CADPS2: variants seen among roughly 807,000 people sequenced by gnomAD.
CADPS2 encodes calcium-dependent secretion activator 2.
Under a neutral mutation model 172.5 loss-of-function variants are expected in CADPS2, and 93 were observed. That is an observed-to-expected ratio of 0.54 (90% CI 0.46 to 0.64). The LOEUF (loss-of-function observed/expected upper bound fraction) is 0.64. Among genes scored for constraint, CADPS2 ranks in the 30% least tolerant of loss-of-function variants. CADPS2 has a pLI of 0.00. For synonymous variants in CADPS2, 546 were observed against 555.2 expected (o/e 0.98, Z 0.23); for missense variants, 1,420 against 1,565.9 (o/e 0.91, Z 1.57).
At chr7:122,505,175 C>G (rs970504288) in intron 9 of CADPS2, among the ~76,000 whole-genome samples, 3 of 152,040 alleles carry the variant, frequency 2.0e-5, no homozygotes, top group African/African-American at 7.2e-5. Context: ...GTAACCCACC[C>G]AAAATGCCAA....
chr7:122,674,916 G>C (rs2082241822), intron 2 of CADPS2, among the ~76,000 whole-genome samples: 1 of 152,122 alleles, frequency 6.6e-6, no homozygotes, highest in South Asian at 2.1e-4. Context: ...CAGCAACATA[G>C]ATTTTAAAAC....
At chr7:122,460,869 G>A (rs1037645874) in intron 14 of CADPS2, among the ~76,000 whole-genome samples, 2 of 152,190 alleles carry the variant, frequency 1.3e-5, no homozygotes, top group African/African-American at 2.4e-5. Context: ...GAGTGAAACA[G>A]TAGATGTCAG....
intron 1 of CADPS2, among the ~76,000 whole-genome samples, chr7:122,799,011 T>C (rs1796986558): frequency 6.6e-6 from 1 of 152,070 alleles, no homozygotes. Flanking sequence ...GCCTCCCATT[T>C]AGAGAAATGG....
At chr7:122,473,247 T>C (rs1426140665) in intron 13 of CADPS2, among the ~76,000 whole-genome samples, 11 of 152,200 alleles carry the variant, frequency 7.2e-5, no homozygotes, top group Non-Finnish European at 2.9e-5. Flanking sequence ...TGCTGAACTG[T>C]AATCAATCTG....
At position 122,757,672 on chromosome 7, in the gene CADPS2, G is replaced by A. The variant is rs796622196; in HGVS notation, c.340-20604C>T. ...ACTCTAGTAACACTTACGTTTGGAC[G>A]TTCAATCCCTAGCTGAGTTTTTTAA... On this transcript the variant is annotated intron_variant, in intron 1 of 29. Coordinates refer to ENST00000449022, the MANE Select transcript of CADPS2 (RefSeq NM_017954.11). Among the ~76,000 whole-genome samples, 12 of 146,358 alleles carry A rather than the reference G, an allele frequency of 8.2e-5. No individual in the cohort carries two copies. The South Asian group carries it at 1.3e-3, about 16-fold the overall frequency.
chr7:122,486,019 G>A (rs745900856), intron 11 of CADPS2, among the ~76,000 whole-genome samples: 1 of 152,096 alleles, frequency 6.6e-6, no homozygotes, highest in Non-Finnish European at 1.5e-5. Flanking sequence ...GAGGCCTGAT[G>A]CTAGAACAAA....
Position 122,388,669 on chromosome 7 carries a change from C to T in CADPS2, c.3078G>A (p.Leu1026=). The change falls in exon 23 of 30, where the codon CTG becomes CTA. Residue 1026 remains leucine, a synonymous_variant. Coordinates refer to ENST00000449022, the MANE Select transcript of CADPS2 (RefSeq NM_017954.11). ...LDALQMFVFD[L]HWPEQEFAHH... ...GGGCAAATTCCTGTTCTGGCCAGTG[C>T]AGATCAAAGACAAACATTTGCAGTG... 6.2e-7 allele frequency: 1 copy of T among 1,610,770 alleles called. No homozygotes were observed. The highest frequency in any genetic ancestry group is 8.5e-7 in the Non-Finnish European group (1 of 1,178,088).
intron 1 of CADPS2, among the ~76,000 whole-genome samples, chr7:122,852,300 C>T (rs1813877107): frequency 6.6e-6 from 1 of 152,172 alleles, no homozygotes; most frequent in Admixed American, 6.5e-5. Context: ...CATTCAACTA[C>T]AACATGTGCT....
intron 6 of CADPS2, among the ~76,000 whole-genome samples, chr7:122,612,523 T>C (rs976196150): frequency 4.6e-5 from 7 of 151,976 alleles, no homozygotes; most frequent in African/African-American, 1.2e-4. Context: ...CAAGACATTG[T>C]TGAAAGGGAA....
chr7:122,746,167 C>T (rs1164915597), intron 1 of CADPS2, among the ~76,000 whole-genome samples: 6 of 151,996 alleles, frequency 3.9e-5, no homozygotes, highest in Non-Finnish European at 8.8e-5. Context: ...TTTATTTCAG[C>T]AATTGCAGAA....
chr7:122,748,844 C>T (rs2092829097), intron 1 of CADPS2, among the ~76,000 whole-genome samples: 1 of 151,976 alleles, frequency 6.6e-6, no homozygotes, highest in Non-Finnish European at 1.5e-5. Flanking sequence ...GTAATAGAAT[C>T]CTCAACTCAA....
At position 122,324,034 on chromosome 7, in the gene CADPS2, C is replaced by T. The variant is rs189093084; in HGVS notation, c.3717+1443G>A. ...ATGGAGAACTAAGCCAATTATGAAC[C>T]TATCATATTGTCCTTTCAGTTTCTT... On this transcript the variant is annotated intron_variant, in intron 29 of 29. Coordinates refer to ENST00000449022, the MANE Select transcript of CADPS2 (RefSeq NM_017954.11). Among the ~76,000 whole-genome samples the T allele has an allele frequency of 3.0e-3, 455 of 151,512 alleles. 2 individuals carry two copies. Among genetic ancestry groups the T allele is most frequent in the African/African-American group, 0.01 (432 of 41,294 alleles).
At chr7:122,822,101 T>C (rs1803475670) in intron 1 of CADPS2, among the ~76,000 whole-genome samples, 1 of 151,770 alleles carries the variant, frequency 6.6e-6, no homozygotes, top group Non-Finnish European at 1.5e-5. Flanking sequence ...TCACAGCTGA[T>C]ATCTCCTGGT....
Position 122,340,023 on chromosome 7 carries a change from C to T in CADPS2, c.3612+5551G>A, listed in dbSNP as rs568129755. On this transcript the variant is annotated intron_variant, in intron 28 of 29. Coordinates refer to ENST00000449022, the MANE Select transcript of CADPS2 (RefSeq NM_017954.11). ...AATATTTTCATTATTTTCTTTTTAT[C>T]TTACATTAATAGTCTACTGAATCCA... Among the ~76,000 whole-genome samples, 6 of 152,216 alleles carry T rather than the reference C, an allele frequency of 3.9e-5. No individual in the cohort carries two copies. In the East Asian group the frequency reaches 1.2e-3, roughly 29 times the overall value.
chr7:122,749,038 C>T (rs192752341), intron 1 of CADPS2, among the ~76,000 whole-genome samples: 169 of 152,204 alleles, frequency 1.1e-3, no homozygotes, highest in Non-Finnish European at 1.9e-3. Flanking sequence ...TTTACTGCCT[C>T]CAAAGAAATC....
At chr7:122,777,494 C>A (rs534608689) in intron 1 of CADPS2, among the ~76,000 whole-genome samples, 4 of 152,112 alleles carry the variant, frequency 2.6e-5, no homozygotes, top group Non-Finnish European at 4.4e-5. Context: ...ATCTCTTAAA[C>A]GGGCTACAAG....
intron 1 of CADPS2, among the ~76,000 whole-genome samples, chr7:122,879,842 C>A (rs115750655): frequency 3.8e-4 from 58 of 152,210 alleles, no homozygotes; most frequent in African/African-American, 1.4e-3. Context: ...AAAAGGCTCC[C>A]AAATGCAAAC....
chr7:122,729,445 C>G lies in CADPS2; in HGVS notation c.453+7510G>C, dbSNP rs2137439686. 2.0e-5 allele frequency among the ~76,000 whole-genome samples: 3 copies of G among 151,790 alleles called. No individual in the cohort carries two copies. The Middle Eastern group carries it at 0.01, about 516-fold the overall frequency. ...TTTAATTTTTTAAGGAAACTCCATA[C>G]TGTTTTCTGTAGAGGTTGTACTAGT... On this transcript the variant is annotated intron_variant, in intron 2 of 29. Transcript: ENST00000449022.
chr7:122,530,586 C>T (rs2061674420), intron 8 of CADPS2, among the ~76,000 whole-genome samples: 1 of 152,050 alleles, frequency 6.6e-6, no homozygotes, highest in East Asian at 1.9e-4. Flanking sequence ...GTTAATATAA[C>T]AATCTTATAA....
Sources: allele counts gnomAD v4.1 joint callset (sites outside exome capture counted in the v4.1 genomes callset), GRCh38; gene constraint gnomAD v4.1.1; transcripts MANE v1.5; gene names NCBI Gene and HGNC (gene_info 2026-07-23, HGNC 2026-07-21).